Variants in ABCB1 observed in about 807,000 individuals in gnomAD.
ABCB1 encodes the protein ATP-dependent translocase ABCB1.
A neutral mutation model predicts 142.0 loss-of-function variants in ABCB1; 69 were observed. That is an observed-to-expected ratio of 0.49 (90% confidence interval 0.40 to 0.59). ABCB1 has a LOEUF of 0.59. Ranked by LOEUF, ABCB1 falls within the 20% of genes least tolerant of loss-of-function variation. The pLI is 0.00. For missense variants in ABCB1, 1,326 were observed against 1,554.7 expected, an observed-to-expected ratio of 0.85 and a Z score of 2.47; for synonymous variants, 532 against 539.2, an observed-to-expected ratio of 0.99 and a Z score of 0.18.
At chr7:87,666,109 G>C (rs571090965) in intron 1 of ABCB1, among the ~76,000 whole-genome samples, 1 of 152,124 alleles carries the variant, frequency 6.6e-6, no homozygotes, top group Non-Finnish European at 1.5e-5. Context: ...TCTAACAGCA[G>C]TGTATAAGCA....
chr7:87,537,742 T>A (rs1461800207), intron 19 of ABCB1, among the ~76,000 whole-genome samples: 2 of 152,184 alleles, frequency 1.3e-5, no homozygotes, highest in African/African-American at 2.4e-5. Flanking sequence ...TAATCCAGAT[T>A]AAAATATAAC....
At chr7:87,662,897 G>GT (rs1243031107) in intron 1 of ABCB1, among the ~76,000 whole-genome samples, 2 of 151,910 alleles carry the variant, frequency 1.3e-5, no homozygotes, top group African/African-American at 4.8e-5. Flanking sequence ...ATATCTTTCA[G>GT]TTTTTTTGTG....
chr7:87,580,125 CTTA>C (rs1242801962), intron 4 of ABCB1, among the ~76,000 whole-genome samples: 1 of 152,150 alleles, frequency 6.6e-6, no homozygotes, highest in Admixed American at 6.5e-5. Context: ...TTTCTGAGTA[CTTA>C]TTATTACCAG....
At chr7:87,554,741 TG>T (rs1365595353) in intron 8 of ABCB1, among the ~76,000 whole-genome samples, 3 of 152,224 alleles carry the variant, frequency 2.0e-5, no homozygotes, top group Admixed American at 6.5e-5. Context: ...CCTGGTGGCT[TG>T]GGCCATCCAC....
At chr7:87,504,678 G>A (rs1024717154) in intron 27 of ABCB1, among the ~76,000 whole-genome samples, 22 of 152,034 alleles carry the variant, frequency 1.4e-4, no homozygotes, top group East Asian at 1.9e-4. Context: ...GGTGGTGGGT[G>A]CCTGTAGTCC....
At chr7:87,699,466 C>A (rs1356258723) in intron 1 of ABCB1, among the ~76,000 whole-genome samples, 4 of 152,072 alleles carry the variant, frequency 2.6e-5, no homozygotes, top group African/African-American at 9.7e-5. Flanking sequence ...TGCAGTGGCT[C>A]AACCTCAGCT....
intron 4 of ABCB1, among the ~76,000 whole-genome samples, chr7:87,585,172 A>T (rs1818686129): frequency 6.6e-6 from 1 of 152,086 alleles, no homozygotes; most frequent in Non-Finnish European, 1.5e-5. Flanking sequence ...TCTTACACCC[A>T]TGTTCAATCT....
intron 1 of ABCB1, among the ~76,000 whole-genome samples, chr7:87,640,726 A>G (rs1276027782): frequency 6.6e-6 from 1 of 151,688 alleles, no homozygotes; most frequent in Non-Finnish European, 1.5e-5. Flanking sequence ...CATGGTTTCT[A>G]TTCTTCTTTC....
At chr7:87,518,667 G>A (rs966471359) in intron 23 of ABCB1, among the ~76,000 whole-genome samples, 1 of 152,132 alleles carries the variant, frequency 6.6e-6, no homozygotes, top group Non-Finnish European at 1.5e-5. Flanking sequence ...ATGCTATCAA[G>A]AGGCAGAATC....
chr7:87,504,808 GAAAA>G (rs113719447), intron 27 of ABCB1, among the ~76,000 whole-genome samples: 2 of 86,894 alleles, frequency 2.3e-5, no homozygotes, highest in Admixed American at 1.3e-4. Context: ...CCATCTCAAA[GAAAA>G]AAAAAAAAAA....
intron 14 of ABCB1, among the ~76,000 whole-genome samples, chr7:87,547,303 T>C (rs1168098935): frequency 6.6e-6 from 1 of 152,132 alleles, no homozygotes; most frequent in Non-Finnish European, 1.5e-5. Flanking sequence ...TTTTGTATCT[T>C]TTTAAGAAAA....
rs1272689553 is a variant in ABCB1, at chr7:87,509,322, C to T, written c.3442G>A (p.Ala1148Thr). ...RVVSQEEIVR[A>T]AKEANIHAFI... ...GCATGTATGTTGGCCTCCTTTGCTG[C>T]CCTCACAATCTCTTCCTGTGACACC... The change falls in exon 26 of 28, where the codon GCA (alanine) becomes ACA (threonine). Residue 1148 changes from alanine to threonine, a missense_variant. Ala to Thr is a moderately conservative substitution (Grantham distance 58). Transcript: ENST00000622132. The T allele has an allele frequency of 1.2e-6, 2 of 1,614,148 alleles. No individual in the cohort carries two copies. The highest frequency in any genetic ancestry group is 3.3e-5 in the Admixed American group (2 of 60,018).
At chr7:87,667,562 A>G (rs568722222) in intron 1 of ABCB1, among the ~76,000 whole-genome samples, 163 of 151,082 alleles carry the variant, frequency 1.1e-3, no homozygotes, top group Non-Finnish European at 1.6e-3. Context: ...CATCCTTCTC[A>G]GTTTTCAAGG....
At chr7:87,612,941 C>T (rs1458084536) in intron 1 of ABCB1, among the ~76,000 whole-genome samples, 1 of 150,024 alleles carries the variant, frequency 6.7e-6, no homozygotes, top group African/African-American at 2.4e-5. Flanking sequence ...TTTCTTTCTG[C>T]AGTGTTTCAT....
Position 87,513,900 on chromosome 7 carries a change from TTCC to T in ABCB1, c.3282+1328_3282+1330del, listed in dbSNP as rs1462827319. Among the ~76,000 whole-genome samples the T allele has an allele frequency of 2.8e-4, 43 of 152,298 alleles. 1 individual carries two copies. The highest frequency in any genetic ancestry group is 8.2e-4 in the African/African-American group (34 of 41,558). ...ATAATCAGTGTCTGAGAGCTAACAT[TTCC>T]TCCTCTAATTGCTTTGGCTGTCAGC... On this transcript the variant is annotated intron_variant, in intron 25 of 27. Transcript: ENST00000622132.
Position 87,693,588 on chromosome 7 carries a change from C to A in ABCB1, c.-331+19573G>T, listed in dbSNP as rs73706903. On this transcript the variant is annotated intron_variant, in intron 1 of 28. Transcript: ENST00000265724. ...CTGTTGCTCTTCTTTGAGGTCTATT[C>A]TACTCATCAGTTTATTACATCTGAG... 7.8e-3 allele frequency among the ~76,000 whole-genome samples: 1,185 copies of A among 152,162 alleles called. 21 individuals carry two copies. The highest frequency in any genetic ancestry group is 0.027 in the African/African-American group (1,122 of 41,522).
Position 87,626,412 on chromosome 7 carries a change from A to G in ABCB1, c.-330-25334T>C, listed in dbSNP as rs1311175844. Among the ~76,000 whole-genome samples, 10 of 21,320 alleles carry G rather than the reference A, an allele frequency of 4.7e-4. 4 individuals carry two copies. The highest frequency in any genetic ancestry group is 6.9e-4 in the African/African-American group (1 of 1,456). The allele number at this position is 21,320 out of a possible 152,430, so 14.0% of individuals were successfully genotyped here. On this transcript the variant is annotated intron_variant, in intron 1 of 28. Transcript: ENST00000265724. ...TATATATGTGTCATATGTATGTGTC[A>G]TATATATGTGTCATATGTATGTGTC... is the stretch of plus-strand genomic sequence containing the variant.
chr7:87,506,738 G>A (rs1814769024), intron 26 of ABCB1, among the ~76,000 whole-genome samples: 1 of 152,208 alleles, frequency 6.6e-6, no homozygotes, highest in Non-Finnish European at 1.5e-5. Context: ...GAAACAGGAT[G>A]TGACTGCACT....
At chr7:87,518,177 T>TTTTG (rs550628770) in intron 23 of ABCB1, among the ~76,000 whole-genome samples, 13 of 152,348 alleles carry the variant, frequency 8.5e-5, no homozygotes, top group African/African-American at 2.4e-4. Context: ...TGTCATTAGT[T>TTTTG]TTTGTTTGTT....
Sources: allele counts gnomAD v4.1 joint callset (sites outside exome capture counted in the v4.1 genomes callset), GRCh38; gene constraint gnomAD v4.1.1; transcripts MANE v1.5; gene names NCBI Gene and HGNC (gene_info 2026-07-23, HGNC 2026-07-21).